The following NR2F1 variants were observed in gnomAD, a reference collection of about 807,000 sequenced individuals.
The protein encoded by NR2F1 is nuclear receptor subfamily 2 group F member 1.
Under a neutral mutation model 37.7 loss-of-function variants are expected in NR2F1, and 1 was observed. The observed-to-expected ratio is 0.03, with a 90% CI of 0.01 to 0.13. The LOEUF (loss-of-function observed/expected upper bound fraction) is 0.13. Ranked by LOEUF, NR2F1 falls within the 10% of genes least tolerant of loss-of-function variation. The pLI is 1.00. For synonymous variants in NR2F1, 275 were observed against 259.6 expected, an observed-to-expected ratio of 1.06 and a Z score of -0.57; for missense variants, 268 against 578.4, an observed-to-expected ratio of 0.46 and a Z score of 5.50.
In NR2F1 at chr5:93,593,723, A is replaced by G; in HGVS notation, c.1153A>G (p.Ile385Val). ...PSLRTVSSSV[I>V]EQLFFVRLVG... ...GCTGCGCACCGTGTCCTCCTCCGTC[A>G]TCGAGCAGCTCTTCTTCGTCCGTTT... is the stretch of plus-strand genomic sequence containing the variant. The change falls in exon 3 of 3, where the codon ATC (isoleucine) becomes GTC (valine). Residue 385 changes from isoleucine to valine, a missense_variant. By Grantham distance (29) the Ile-to-Val change is conservative (BLOSUM62 3). Around this residue, in one of 5 missense-constraint regions of NR2F1, gnomAD observed 99 missense variants for 191.9 expected, o/e 0.52. Coordinates refer to ENST00000327111, the MANE Select transcript of NR2F1 (RefSeq NM_005654.6). This position sits in a 1 kb window ranked among gnomAD's most constrained non-coding sequence, Gnocchi z 5.6. 6.2e-7 allele frequency: 1 copy of G among 1,614,208 alleles called. No homozygotes were observed. Among genetic ancestry groups the G allele is most frequent in the Non-Finnish European group, 8.5e-7 (1 of 1,180,038 alleles).
rs1191057648 is a variant in NR2F1 at position 93,585,197 on chromosome 5, C to T, written c.174C>T (p.Pro58=). 12 of 1,534,792 alleles carry T rather than the reference C, an allele frequency of 7.8e-6. No homozygotes were observed. In the South Asian group the frequency reaches 1.4e-4, roughly 18 times the overall value. The change falls in exon 1 of 3, where the codon CCC becomes CCT. Residue 58 remains proline (P), a synonymous_variant. Transcript: ENST00000327111. ...APHTPQTPGQ[P]GAPATPGTAG... ...ACACGCCGCAGACCCCGGGCCAGCC[C>T]GGAGCGCCCGCCACCCCCGGCACGG...
At chr5:93,590,161 G>A (rs1337907146) in intron 2 of NR2F1, among the ~76,000 whole-genome samples, 1 of 152,216 alleles carries the variant, frequency 6.6e-6, no homozygotes, top group Admixed American at 6.5e-5. Context: ...AGGCTCTTTA[G>A]CCAAATTCAT....
At position 93,594,073 on chromosome 5, in the gene NR2F1, AAAAAC is replaced by A. The variant is rs1753382388; in HGVS notation, c.*240_*244del. ...CAGATCTGTGAGCACGTTGGCGAGG[AAAAAC>A]AAAACAAACAAAAAAAAGAACCTTG... On this transcript the variant is annotated 3_prime_UTR_variant, in exon 3 of 3. Transcript: ENST00000327111. 3 of 450,302 alleles carry A rather than the reference AAAAAC, an allele frequency of 6.7e-6. No individual in the cohort carries two copies. Among genetic ancestry groups the A allele is most frequent in the South Asian group, 1.1e-4 (2 of 18,316 alleles). 27.9% of individuals were successfully genotyped at this position (450,302 alleles called of 1,614,324 possible).
intron 2 of NR2F1, among the ~76,000 whole-genome samples, chr5:93,588,776 T>TGCGCGC (rs148092401): frequency 6.7e-6 from 1 of 148,814 alleles, no homozygotes; most frequent in Non-Finnish European, 1.5e-5. Flanking sequence ...TCCGTCTGGC[T>TGCGCGC]GCGCGCGCGC....
At chr5:93,587,785 G>A in intron 1 of NR2F1, 132 bp from the exon 2 acceptor site, 1 of 931,060 alleles carries the variant, frequency 1.1e-6, no homozygotes, top group Non-Finnish European at 1.6e-6. Flanking sequence ...GTGAGAGCGA[G>A]CCGGAGAAGA....
In NR2F1 at chr5:93,584,108, G is replaced by C. The variant is rs921998481; in HGVS notation, c.-916G>C. 2.7e-5 allele frequency: 4 copies of C among 150,838 alleles called. No homozygotes were observed. The highest frequency in any genetic ancestry group is 9.7e-5 in the African/African-American group (4 of 41,234). 9.3% of individuals were successfully genotyped at this position (150,838 alleles called of 1,614,324 possible). ...GGCAGCCTCGCCCAGCGCCCTGCTC[G>C]GCTCACCGCGCTCCCCGCACTCCCG... On this transcript the variant is annotated 5_prime_UTR_variant, in exon 1 of 3. Transcript: ENST00000327111.
Position 93,594,141 on chromosome 5 carries a change from A to C in NR2F1, c.*299A>C. On this transcript the variant is annotated 3_prime_UTR_variant, in exon 3 of 3. Transcript: ENST00000327111. Reference sequence around the variant, plus strand: ...GAAAAAAAGAAAAACAAATTGGAAGAGAGGACCATGAGAATTTTAATAAAA... The same window carrying C: ...GAAAAAAAGAAAAACAAATTGGAAGCGAGGACCATGAGAATTTTAATAAAA... 2.8e-6 allele frequency: 1 copy of C among 362,466 alleles called. No homozygotes were observed. The highest frequency in any genetic ancestry group is 5.0e-6 in the Non-Finnish European group (1 of 200,084). The allele number at this position is 362,466 out of a possible 1,614,324, so 22.5% of individuals were successfully genotyped here. A position where few individuals can be genotyped will look rare whatever the true frequency, so the allele number is the denominator to read the frequency against.
intron 1 of NR2F1, among the ~76,000 whole-genome samples, chr5:93,586,706 G>A (rs1473182965): frequency 6.6e-6 from 1 of 151,642 alleles, no homozygotes; most frequent in Non-Finnish European, 1.5e-5. Flanking sequence ...TAGCTCCAGG[G>A]AGATTTTGTA....
At position 93,594,155 on chromosome 5, in the gene NR2F1, A is replaced by G; in HGVS notation, c.*313A>G. The G allele has an allele frequency of 3.0e-6, 1 of 331,770 alleles. No individual in the cohort carries two copies. Among genetic ancestry groups the G allele is most frequent in the South Asian group, 4.5e-5 (1 of 22,424 alleles). The allele number at this position is 331,770 out of a possible 1,614,324, so 20.6% of individuals were successfully genotyped here. A position where few individuals can be genotyped will look rare whatever the true frequency, so the allele number is the denominator to read the frequency against. ...CAAATTGGAAGAGAGGACCATGAGA[A>G]TTTTAATAAAACAGAAGGAAACTAA... On this transcript the variant is annotated 3_prime_UTR_variant, in exon 3 of 3. Transcript: ENST00000327111.
rs764011372 is a variant in NR2F1, at chr5:93,593,666, C to T, written c.1096C>T (p.Arg366Cys). ...GAGCCAGTACCCCAACCAGCCCAGC[C>T]GTTTTGGCAAACTGCTGCTGCGACT... is the stretch of plus-strand genomic sequence containing the variant. ...VRSQYPNQPSRFGKLLLRLPS... is the reference protein window; with the variant it reads ...VRSQYPNQPSCFGKLLLRLPS... The change falls in exon 3 of 3, where the codon CGT becomes TGT. Residue 366 changes from arginine to cysteine, a missense_variant. Arg to Cys is a radical substitution (Grantham distance 180). This residue lies in a region of NR2F1 where 99 missense variants were observed against 191.9 expected (regional missense o/e 0.52). Transcript: ENST00000327111. This position sits in a 1 kb window ranked among gnomAD's most constrained non-coding sequence, Gnocchi z 5.6. 1 of 1,614,148 alleles carries T rather than the reference C, an allele frequency of 6.2e-7. No individual in the cohort carries two copies. Among genetic ancestry groups the T allele is most frequent in the Non-Finnish European group, 8.5e-7 (1 of 1,180,032 alleles).
intron 1 of NR2F1, 128 bp downstream of exon 1, chr5:93,585,614 T>G: frequency 2.7e-6 from 2 of 742,946 alleles, no homozygotes; most frequent in South Asian, 1.8e-5. Context: ...CCAGCTTTCC[T>G]TCTCCCGGCT....
chr5:93,586,331 T>C (rs1753232744), intron 1 of NR2F1, among the ~76,000 whole-genome samples: 1 of 152,234 alleles, frequency 6.6e-6, no homozygotes, highest in Non-Finnish European at 1.5e-5. Flanking sequence ...ATCCTTCTGA[T>C]TTGGCCGTAA....
intron 2 of NR2F1, among the ~76,000 whole-genome samples, chr5:93,592,409 G>A (rs1753345986): frequency 6.6e-6 from 1 of 151,822 alleles, no homozygotes; most frequent in African/African-American, 2.4e-5. Context: ...AGAAACAAGT[G>A]GGTATTTGAA....
Position 93,585,494 on chromosome 5 carries a change from TTTC to T in NR2F1, c.463+13_463+15del, listed in dbSNP as rs755173862. On this transcript the variant is annotated intron_variant, in intron 1 of 2. Transcript: ENST00000327111. ...TGGGCATGAGGCGGGAAGGTGAATA[TTTC>T]TTCTCTGCTTCTCTCCCCGCGCTTC... 2.5e-6 allele frequency: 4 copies of T among 1,603,174 alleles called. No homozygotes were observed. The Admixed American group carries it at 6.7e-5, about 27-fold the overall frequency.
Position 93,583,535 on chromosome 5 carries a change from A to G in NR2F1, c.-1489A>G, listed in dbSNP as rs1448162443. 1 of 151,750 alleles carries G rather than the reference A, an allele frequency of 6.6e-6. No homozygotes were observed. The highest frequency in any genetic ancestry group is 1.9e-4 in the East Asian group (1 of 5,160). 9.4% of individuals were successfully genotyped at this position (151,750 alleles called of 1,614,324 possible). ...GAGGGCTAAACTTAAAGAAAAAAAAAAGGAGGAGGAGGAGGAGGAGGCACC... is the reference window on the plus strand; with the variant it reads ...GAGGGCTAAACTTAAAGAAAAAAAAGAGGAGGAGGAGGAGGAGGAGGCACC... On this transcript the variant is annotated 5_prime_UTR_variant, in exon 1 of 3. Coordinates refer to ENST00000327111, the MANE Select transcript of NR2F1 (RefSeq NM_005654.6).
In NR2F1 at chr5:93,593,851, C is replaced by A. The variant is rs202006298; in HGVS notation, c.*9C>A. 3 of 1,611,038 alleles carry A rather than the reference C, an allele frequency of 1.9e-6. No individual in the cohort carries two copies. In the African/African-American group the frequency reaches 4.0e-5, roughly 22 times the overall value. On this transcript the variant is annotated 3_prime_UTR_variant, in exon 3 of 3. Transcript: ENST00000327111. The surrounding 1 kb of genome is among the most constrained non-coding windows in gnomAD (Gnocchi z 5.6). ...CCATCCAGTGCTCCTAGACCTTGGG[C>A]GCTTCCCACCTGCCCCGTCCCCCTA...
rs1253183200 is a variant in NR2F1 at position 93,594,036 on chromosome 5, C to T, written c.*194C>T. 1.8e-6 allele frequency: 1 copy of T among 570,086 alleles called. No homozygotes were observed. Among genetic ancestry groups the T allele is most frequent in the East Asian group, 2.9e-5 (1 of 34,350 alleles). 35.3% of individuals were successfully genotyped at this position (570,086 alleles called of 1,614,324 possible). On this transcript the variant is annotated 3_prime_UTR_variant, in exon 3 of 3. Transcript: ENST00000327111. ...AGCTACAAAGCATGGGAAAAAGAGA[C>T]TCTTTTAGGATCAGATCTGTGAGCA...
At chr5:93,587,648 G>A in intron 1 of NR2F1, 1 of 455,928 alleles carries the variant, frequency 2.2e-6, no homozygotes, top group Non-Finnish European at 3.9e-6. Context: ...GACCTTGCCA[G>A]GGTTGGGGCC....
intron 2 of NR2F1, among the ~76,000 whole-genome samples, chr5:93,590,468 T>C (rs1209640858): frequency 6.6e-6 from 1 of 152,216 alleles, no homozygotes; most frequent in African/African-American, 2.4e-5. Flanking sequence ...TTTAAAAAGT[T>C]TTCCAAGGAA....
Sources: gnomAD v4.1 joint callset for allele counts (sites outside exome capture counted in the v4.1 genomes callset) on GRCh38, gnomAD v4.1.1 for gene constraint, gnomAD v4.1.1 regional missense constraint, Gnocchi (gnomAD v3.1) non-coding constraint, MANE v1.5 for transcripts, NCBI Gene and HGNC (gene_info 2026-07-23, HGNC 2026-07-21) for gene names.